The following AHNAK variants were observed in gnomAD, a reference collection of about 807,000 sequenced individuals.
The protein encoded by AHNAK is neuroblast differentiation-associated protein AHNAK.
A neutral mutation model predicts 37.8 loss-of-function variants in AHNAK; 23 were observed. The observed-to-expected ratio is 0.61, with a 90% CI of 0.44 to 0.86. AHNAK has a LOEUF of 0.86. Ranked by LOEUF, AHNAK falls within the 40% of genes least tolerant of loss-of-function variation. AHNAK has a pLI of 0.00. For missense variants in AHNAK, 7,411 were observed against 7,319.4 expected, an observed-to-expected ratio of 1.01 and a Z score of -0.46; for synonymous variants, 2,481 against 2,636.3, an observed-to-expected ratio of 0.94 and a Z score of 1.80.
downstream of AHNAK, among the ~76,000 whole-genome samples, chr11:62,513,720 G>A (rs182401917): frequency 5.9e-5 from 9 of 152,198 alleles, no homozygotes; most frequent in Admixed American, 2.0e-4. Flanking sequence ...GGGAAGCAGC[G>A]TTCATGTTCT....
chr11:62,526,904 C>T lies in AHNAK; in HGVS notation c.7513G>A (p.Asp2505Asn). Residue 2505 changes from aspartate to asparagine, a missense_variant, in exon 5 of 5, where the codon GAC (aspartate) becomes AAC (asparagine). Coordinates refer to ENST00000378024, the MANE Select transcript of AHNAK (RefSeq NM_001620.3). ...DVNAPDVQAP[D>N]WHLKMPKMKM... is the part of the protein sequence containing the mutation. ...ATCTTGGGCATCTTCAGGTGCCAGT[C>T]TGGAGCTTGGACATCGGGGGCATTT... 6.2e-7 allele frequency: 1 copy of T among 1,614,216 alleles called. No individual in the cohort carries two copies. Among genetic ancestry groups the T allele is most frequent in the South Asian group, 1.1e-5 (1 of 91,084 alleles).
chr11:62,520,102 T>G lies in AHNAK; in HGVS notation c.14315A>C (p.His4772Pro). Residue 4772 changes from histidine to proline, a missense_variant, in exon 5 of 5, where the codon CAT becomes CCT. Coordinates refer to ENST00000378024, the MANE Select transcript of AHNAK (RefSeq NM_001620.3). ...VDINTPDVDV[H>P]GPDWHLKMPK... Reference sequence around the variant, plus strand: ...CATCTTCAGGTGCCAGTCTGGGCCATGAACATCCACATCAGGGGTGTTGAT... The same window carrying G: ...CATCTTCAGGTGCCAGTCTGGGCCAGGAACATCCACATCAGGGGTGTTGAT... 6.2e-7 allele frequency: 1 copy of G among 1,612,608 alleles called. No individual in the cohort carries two copies. Among genetic ancestry groups the G allele is most frequent in the Non-Finnish European group, 8.5e-7 (1 of 1,179,718 alleles).
chr11:62,543,123 A>G (rs1294844231), intron 1 of AHNAK, among the ~76,000 whole-genome samples: 1 of 152,132 alleles, frequency 6.6e-6, no homozygotes, highest in Non-Finnish European at 1.5e-5. Flanking sequence ...CCTCCCTGAC[A>G]GGCCGTGTGC....
chr11:62,506,073 G>C (rs1233044266), intron 4 of AHNAK, among the ~76,000 whole-genome samples: 2 of 150,280 alleles, frequency 1.3e-5, no homozygotes. Context: ...GCTGGGCATG[G>C]TGGCGCACGC....
At chr11:62,473,649 C>G (rs1044723210) in intron 5 of AHNAK, among the ~76,000 whole-genome samples, 2 of 150,860 alleles carry the variant, frequency 1.3e-5, no homozygotes, top group African/African-American at 4.9e-5. Flanking sequence ...TGTGTCACTG[C>G]ACTCCAGCCT....
intron 5 of AHNAK, among the ~76,000 whole-genome samples, chr11:62,443,740 T>C (rs1042952041): frequency 2.6e-5 from 4 of 152,184 alleles, no homozygotes; most frequent in African/African-American, 7.2e-5. Context: ...CCTTTATGCA[T>C]GTGGGTTTCT....
intron 4 of AHNAK, among the ~76,000 whole-genome samples, chr11:62,497,041 CTG>C (rs1010855157): frequency 2.0e-5 from 3 of 152,136 alleles, no homozygotes; most frequent in African/African-American, 7.2e-5. Flanking sequence ...ATGTACTTAT[CTG>C]TGGAAAATAT....
chr11:62,513,606 G>C (rs78479963), downstream of AHNAK, among the ~76,000 whole-genome samples: 159 of 152,058 alleles, frequency 1.0e-3, no homozygotes, highest in African/African-American at 3.6e-3. Flanking sequence ...GGAGGGCAGG[G>C]GTAAGGTGCA....
At chr11:62,473,812 A>G (rs1226872412) in intron 5 of AHNAK, among the ~76,000 whole-genome samples, 1 of 152,074 alleles carries the variant, frequency 6.6e-6, no homozygotes, top group Non-Finnish European at 1.5e-5. Flanking sequence ...CCTGGACAAC[A>G]TGGTGAGACC....
chr11:62,541,931 A>G (rs1941137960), intron 1 of AHNAK: 1 of 152,194 alleles, frequency 6.6e-6, no homozygotes, highest in Admixed American at 6.5e-5. Context: ...AAAAAACATT[A>G]TGCCACATTC....
At chr11:62,464,849 A>G (rs996434730) in intron 5 of AHNAK, among the ~76,000 whole-genome samples, 1 of 152,074 alleles carries the variant, frequency 6.6e-6, no homozygotes, top group African/African-American at 2.4e-5. Context: ...AAAAAGAAGT[A>G]CACGCTTGGG....
At chr11:62,461,483 T>G (rs1938787483) in intron 5 of AHNAK, among the ~76,000 whole-genome samples, 1 of 152,262 alleles carries the variant, frequency 6.6e-6, no homozygotes, top group African/African-American at 2.4e-5. Context: ...AAATCTAAAT[T>G]TAATCAATCT....
chr11:62,457,240 G>T (rs934155802), intron 5 of AHNAK, among the ~76,000 whole-genome samples: 7 of 152,046 alleles, frequency 4.6e-5, no homozygotes, highest in African/African-American at 1.2e-4. Context: ...GAGGTCAGGA[G>T]ATCAAGACTA....
chr11:62,481,036 G>T (rs1330393762), intron 5 of AHNAK, among the ~76,000 whole-genome samples: 1 of 151,902 alleles, frequency 6.6e-6, no homozygotes, highest in African/African-American at 2.4e-5. Context: ...CCCTCTCCAG[G>T]AGATGACTTG....
At chr11:62,491,718 A>C (rs748265218) in intron 5 of AHNAK, 20 of 1,600,476 alleles carry the variant, frequency 1.2e-5, no homozygotes, top group Non-Finnish European at 1.6e-5. Flanking sequence ...TTCAGTCCCC[A>C]TCACTTCTCT....
chr11:62,534,012 C>T lies in AHNAK; in HGVS notation c.405G>A (p.Ser135=), dbSNP rs75724750. 2.1e-5 allele frequency: 33 copies of T among 1,588,964 alleles called. No homozygotes were observed. The highest frequency in any genetic ancestry group is 2.0e-4 in the East Asian group (9 of 44,678). The part of the protein sequence containing the change: ...YTTKIKPRLK[S]EDGVEGDLGE... Reference sequence around the variant, plus strand: ...CGAGGTCTCCTTCCACTCCATCTTCCGACTTCAGCCGTGGCTTGATCTTCG... The same window carrying T: ...CGAGGTCTCCTTCCACTCCATCTTCTGACTTCAGCCGTGGCTTGATCTTCG... Residue 135 remains serine (S), a synonymous_variant, in exon 5 of 5, where the codon TCG becomes TCA. Coordinates refer to ENST00000378024, the MANE Select transcript of AHNAK (RefSeq NM_001620.3).
rs762713813 is a variant in AHNAK, at chr11:62,525,764, C to A, written c.8653G>T (p.Val2885Phe). ...KVDIDVPDVNVQGPDWHLKMP... is the reference protein window; with the variant it reads ...KVDIDVPDVNFQGPDWHLKMP... ...TTCAGGTGCCAGTCTGGACCCTGAA[C>A]ATTAACATCTGGGACATCAATGTCC... The change falls in exon 5 of 5, where the codon GTT becomes TTT. Residue 2885 changes from valine to phenylalanine, a missense_variant. Physicochemically the swap from Val to Phe is conservative, Grantham distance 50 (BLOSUM62 -1). Coordinates refer to ENST00000378024, the MANE Select transcript of AHNAK (RefSeq NM_001620.3). 6.2e-7 allele frequency: 1 copy of A among 1,612,986 alleles called. No individual in the cohort carries two copies. The highest frequency in any genetic ancestry group is 1.1e-5 in the South Asian group (1 of 91,018).
chr11:62,476,169 C>G (rs1215826756), intron 5 of AHNAK, among the ~76,000 whole-genome samples: 1 of 152,182 alleles, frequency 6.6e-6, no homozygotes, highest in Non-Finnish European at 1.5e-5. Context: ...AGCCGGATCA[C>G]CTGAGGTCAG....
rs1940449520 is a variant in AHNAK at position 62,525,605 on chromosome 11, T to G, written c.8812A>C (p.Asn2938His). 1.9e-6 allele frequency: 3 copies of G among 1,613,422 alleles called. No homozygotes were observed. Among genetic ancestry groups the G allele is most frequent in the Non-Finnish European group, 2.5e-6 (3 of 1,179,858 alleles). Residue 2938 changes from asparagine to histidine, a missense_variant, in exon 5 of 5, where the codon AAC becomes CAC. Transcript: ENST00000378024. ...AACTTTCCCTCTGGTCCTTCAATGT[T>G]AACATCAGGGCCTTCAACGTCCACT... ...PKVDVEGPDVNIEGPEGKLKG... is the reference protein window; with the variant it reads ...PKVDVEGPDVHIEGPEGKLKG...
Sources: gnomAD v4.1 joint callset for allele counts (sites outside exome capture counted in the v4.1 genomes callset) on GRCh38, gnomAD v4.1.1 for gene constraint, MANE v1.5 for transcripts, NCBI Gene and HGNC (gene_info 2026-07-23, HGNC 2026-07-21) for gene names.